MPDZ: variants seen among roughly 807,000 people sequenced by gnomAD.
MPDZ encodes the protein multiple PDZ domain protein.
Under a neutral mutation model 239.1 loss-of-function variants are expected in MPDZ, and 234 were observed. The observed-to-expected ratio is 0.98, with a 90% CI of 0.88 to 1.09. The LOEUF (loss-of-function observed/expected upper bound fraction) is 1.09, where lower values mean the gene tolerates loss of function less well. MPDZ is among the 50% of genes least tolerant of loss of function. The probability of loss-of-function intolerance (pLI) is 0.00; values close to 1 mark genes in which losing one functional copy is unlikely to be tolerated. For synonymous variants in MPDZ, 1,048 were observed against 881.3 expected (o/e 1.19, Z -3.35); for missense variants, 3,175 against 2,510.0 (o/e 1.26, Z -5.66).
At chr9:13,121,981 G>A (rs753995153) in intron 37 of MPDZ, 49 bp from the exon 38 acceptor site, 2 of 1,598,948 alleles carry the variant, frequency 1.3e-6, no homozygotes, top group East Asian at 4.5e-5. Context: ...AAGTAAAGGA[G>A]AGTTAGGTGG....
At chr9:13,228,259 T>C (rs1414326991) in intron 3 of MPDZ, among the ~76,000 whole-genome samples, 4 of 152,152 alleles carry the variant, frequency 2.6e-5, no homozygotes, top group Non-Finnish European at 4.4e-5. Context: ...AAGGGGGCTT[T>C]TATGTATTTA....
chr9:13,244,099 C>A (rs74743220), intron 3 of MPDZ, among the ~76,000 whole-genome samples: 2,052 of 152,210 alleles, frequency 0.013, 25 homozygotes, highest in Middle Eastern at 0.024. Context: ...CATTTTAATT[C>A]TCAGTTTTCC....
chr9:13,205,158 T>G, intron 11 of MPDZ, 51 bp from the exon 12 acceptor site: 2 of 1,023,656 alleles, frequency 2.0e-6, no homozygotes, highest in Non-Finnish European at 2.7e-6. Flanking sequence ...AATCAAGTAC[T>G]TGAATTTTTC....
chr9:13,138,332 C>T (rs1947146662), intron 28 of MPDZ, among the ~76,000 whole-genome samples, 179 bp from the exon 29 acceptor site: 2 of 152,116 alleles, frequency 1.3e-5, no homozygotes, highest in South Asian at 4.1e-4. Flanking sequence ...TCCTGGAGGA[C>T]CCAAACTTTG....
intron 22 of MPDZ, chr9:13,165,469 C>T: frequency 6.5e-7 from 1 of 1,541,584 alleles, no homozygotes; most frequent in South Asian, 1.2e-5. Flanking sequence ...ATGTCAATGT[C>T]TTGTGCTGAA....
At chr9:13,239,963 T>C (rs1964979512) in intron 3 of MPDZ, among the ~76,000 whole-genome samples, 3 of 152,082 alleles carry the variant, frequency 2.0e-5, no homozygotes, top group South Asian at 4.1e-4. Context: ...GAAAAAAATT[T>C]AAAAAGTGTA....
chr9:13,123,753 A>T (rs1944715842), intron 35 of MPDZ, among the ~76,000 whole-genome samples: 1 of 152,204 alleles, frequency 6.6e-6, no homozygotes, highest in Non-Finnish European at 1.5e-5. Context: ...ACCACAAAAC[A>T]TATCAATAAT....
rs913083324 is a variant in MPDZ, at chr9:13,138,041, C to T, written c.4116G>A (p.Arg1372=). The T allele has an allele frequency of 1.3e-5, 21 of 1,613,756 alleles. No individual in the cohort carries two copies. The highest frequency in any genetic ancestry group is 8.3e-5 in the Admixed American group (5 of 60,008). The stretch of plus-strand genomic sequence containing the variant: ...CAATCCCCACTATGAAGACACTCAT[C>T]CTGGATCGGTCTTTGTTCCCAGCAA... ...LSLAGNKDRS[R]MSVFIVGIDP... is the part of the protein sequence containing the mutation. The change falls in exon 29 of 47, where the codon AGG becomes AGA. Residue 1372 remains arginine (R), a synonymous_variant. Transcript: ENST00000319217.
At chr9:13,229,729 G>A (rs931216354) in intron 3 of MPDZ, among the ~76,000 whole-genome samples, 3 of 151,680 alleles carry the variant, frequency 2.0e-5, no homozygotes, top group Non-Finnish European at 1.5e-5. Context: ...AGTACAAAAA[G>A]GAGTTTAAAA....
At position 13,134,061 on chromosome 9, in the gene MPDZ, T is replaced by C. The variant is rs1360545630; in HGVS notation, c.4384-157A>G. The stretch of plus-strand genomic sequence containing the variant: ...TACACTATTGCTATTTTAATACATT[T>C]ATTTATTATAATACATTTTTGCTAT... On this transcript the variant is annotated intron_variant, in intron 31 of 46. Coordinates refer to ENST00000319217, the MANE Select transcript of MPDZ (RefSeq NM_001378778.1). The C allele has an allele frequency of 3.5e-5, 10 of 287,664 alleles. No individual in the cohort carries two copies. The East Asian group carries it at 5.5e-4, about 16-fold the overall frequency. 17.8% of individuals were successfully genotyped at this position (287,664 alleles called of 1,614,324 possible).
At chr9:13,201,105 A>G (rs2135479407) in intron 12 of MPDZ, among the ~76,000 whole-genome samples, 1 of 152,022 alleles carries the variant, frequency 6.6e-6, no homozygotes. Context: ...GTGTATATAT[A>G]TTTACAATTG....
chr9:13,232,118 C>A (rs1353796341), intron 3 of MPDZ, among the ~76,000 whole-genome samples: 1 of 152,026 alleles, frequency 6.6e-6, no homozygotes, highest in East Asian at 1.9e-4. Context: ...AGTATAAAGA[C>A]TAGAATTGAA....
chr9:13,205,162 A>AT, intron 11 of MPDZ, 55 bp from the exon 12 acceptor site: 1 of 950,106 alleles, frequency 1.1e-6, no homozygotes, highest in East Asian at 3.1e-5. Flanking sequence ...AAGTACTTGA[A>AT]TTTTTCTAAA....
chr9:13,129,525 A>G (rs1052885715), intron 32 of MPDZ, among the ~76,000 whole-genome samples: 2 of 151,998 alleles, frequency 1.3e-5, no homozygotes, highest in African/African-American at 4.8e-5. Context: ...AAACAGGATG[A>G]CACATAAGAA....
intron 1 of MPDZ, among the ~76,000 whole-genome samples, chr9:13,278,355 C>T (rs1188070761): frequency 6.6e-6 from 1 of 152,144 alleles, no homozygotes; most frequent in Non-Finnish European, 1.5e-5. Flanking sequence ...CCGCACCGCG[C>T]AGTAGAGGTC....
chr9:13,237,435 C>A (rs1964341759), intron 3 of MPDZ, among the ~76,000 whole-genome samples: 2 of 81,096 alleles, frequency 2.5e-5, no homozygotes, highest in East Asian at 3.6e-4. Context: ...GAGCAAGACA[C>A]TGTCTCAAAA....
chr9:13,236,259 ATATATATATTTTT>A (rs1963969057), intron 3 of MPDZ, among the ~76,000 whole-genome samples: 2 of 23,178 alleles, frequency 8.6e-5, no homozygotes, highest in African/African-American at 2.4e-4. Flanking sequence ...GTATATATAT[ATATATATATTTTT>A]TTTTTTTTTT....
chr9:13,236,235 A>ATGTG (rs1283618375), intron 3 of MPDZ, among the ~76,000 whole-genome samples: 2 of 23,984 alleles, frequency 8.3e-5, no homozygotes, highest in African/African-American at 2.4e-4. Context: ...GTATATGTAT[A>ATGTG]TGTGTGTGTG....
intron 21 of MPDZ, among the ~76,000 whole-genome samples, chr9:13,171,119 C>T (rs956749832): frequency 3.9e-5 from 6 of 152,144 alleles, no homozygotes; most frequent in Admixed American, 6.5e-5. Flanking sequence ...ATGACATTTA[C>T]TCTTAGGGTT....
Sources: allele counts gnomAD v4.1 joint callset (sites outside exome capture counted in the v4.1 genomes callset), GRCh38; gene constraint gnomAD v4.1.1; transcripts MANE v1.5; gene names NCBI Gene and HGNC (gene_info 2026-07-23, HGNC 2026-07-21).